Variants in SHPRH observed in about 807,000 individuals in gnomAD.
The protein encoded by SHPRH is SNF2 histone linker PHD RING helicase.
Under a neutral mutation model 202.5 loss-of-function variants are expected in SHPRH, and 106 were observed. That is an observed-to-expected ratio of 0.52 (90% confidence interval 0.45 to 0.62). The LOEUF (loss-of-function observed/expected upper bound fraction) is 0.62, where lower values mean the gene tolerates loss of function less well. Ranked by LOEUF, SHPRH falls within the 20% of genes least tolerant of loss-of-function variation. The pLI is 0.00. For missense variants in SHPRH, 1,710 were observed against 2,020.0 expected (o/e 0.85, Z 2.94); for synonymous variants, 729 against 686.0 (o/e 1.06, Z -0.98).
At position 145,950,573 on chromosome 6, in the gene SHPRH, C is replaced by G. The variant is rs1479980459; in HGVS notation, c.764-91G>C. The stretch of plus-strand genomic sequence containing the variant: ...TTCTAAGAGCATACAATGAACTTGC[C>G]CAACTCTGGGGCCTTGCTCAGTGTG... On this transcript the variant is annotated intron_variant, in intron 3 of 29. Transcript: ENST00000275233. The G allele has an allele frequency of 5.0e-5, 61 of 1,224,304 alleles. No homozygotes were observed. The Middle Eastern group carries it at 8.5e-4, about 17-fold the overall frequency. The allele number at this position is 1,224,304 out of a possible 1,614,324, so 75.8% of individuals were successfully genotyped here.
At chr6:145,858,860 T>C in the SHPRH span, among the ~76,000 whole-genome samples, 2 of 152,030 alleles carry the variant, frequency 1.3e-5, no homozygotes, top group African/African-American at 4.8e-5. Flanking sequence ...TCTGGCATAC[T>C]TTCAACAGGC....
intron 10 of SHPRH, among the ~76,000 whole-genome samples, chr6:145,941,074 A>G (rs540615078): frequency 6.6e-6 from 1 of 152,334 alleles, no homozygotes; most frequent in East Asian, 1.9e-4. Flanking sequence ...AGCCCCCTGA[A>G]TAACTGATCC....
At chr6:145,937,891 C>T (rs2128772572) in intron 11 of SHPRH, among the ~76,000 whole-genome samples, 1 of 152,210 alleles carries the variant, frequency 6.6e-6, no homozygotes, top group South Asian at 2.1e-4. Context: ...ATAGAACAAA[C>T]TATTTTTTTA....
chr6:145,896,011 A>C (rs2128718842), intron 25 of SHPRH, among the ~76,000 whole-genome samples: 1 of 152,142 alleles, frequency 6.6e-6, no homozygotes, highest in Middle Eastern at 3.4e-3. Context: ...AAAAAGAAGG[A>C]AAAATATTTC....
At chr6:145,874,354 G>GTTGA (rs1162045278) in intron 2 of SHPRH, among the ~76,000 whole-genome samples, 3 of 152,060 alleles carry the variant, frequency 2.0e-5, no homozygotes, top group Non-Finnish European at 4.4e-5. Flanking sequence ...ATGTGATTCA[G>GTTGA]TTGATAGGCT....
chr6:145,930,802 A>G (rs979973989), intron 14 of SHPRH, among the ~76,000 whole-genome samples: 1 of 152,174 alleles, frequency 6.6e-6, no homozygotes, highest in Non-Finnish European at 1.5e-5. Flanking sequence ...TAACTGAGAG[A>G]GGGATGTAGA....
chr6:145,864,348 C>T (rs1255260738), exon 3 of SHPRH: 5 of 413,684 alleles, frequency 1.2e-5, no homozygotes, highest in Non-Finnish European at 2.5e-5. Flanking sequence ...TGATAAAAAA[C>T]AAATCAAAAA....
chr6:145,936,814 G>A (rs1171448163), intron 11 of SHPRH, among the ~76,000 whole-genome samples: 1 of 152,070 alleles, frequency 6.6e-6, no homozygotes, highest in Non-Finnish European at 1.5e-5. Flanking sequence ...AGCAACATCT[G>A]AAAGAACCAA....
Position 145,894,479 on chromosome 6 carries a change from T to C in SHPRH, c.4609-243A>G, listed in dbSNP as rs527316324. 1.5e-4 allele frequency among the ~76,000 whole-genome samples: 22 copies of C among 151,004 alleles called. No homozygotes were observed. The South Asian group carries it at 4.6e-3, about 31-fold the overall frequency. On this transcript the variant is annotated intron_variant, in intron 26 of 29. Coordinates refer to ENST00000275233, the MANE Select transcript of SHPRH (RefSeq NM_001042683.3). ...AAATGTAATTAAGATAAACAAACAG[T>C]AGAAAATACATAATGGAGTGCATAC...
chr6:145,902,112 GAAGTA>G (rs1397839760), intron 25 of SHPRH, among the ~76,000 whole-genome samples: 2 of 152,078 alleles, frequency 1.3e-5, no homozygotes, highest in African/African-American at 4.8e-5. Context: ...ATAAAGAAGT[GAAGTA>G]AAGTGAAGTC....
chr6:145,906,913 T>C (rs1783014221), intron 25 of SHPRH: 1 of 152,256 alleles, frequency 6.6e-6, no homozygotes, highest in Non-Finnish European at 1.5e-5. Flanking sequence ...AGCTTCCCTG[T>C]GGTCTTTGTT....
At chr6:145,953,643 T>G (rs959750796) in intron 2 of SHPRH, among the ~76,000 whole-genome samples, 2 of 152,138 alleles carry the variant, frequency 1.3e-5, no homozygotes, top group African/African-American at 4.8e-5. Flanking sequence ...TTAAACAACA[T>G]GAAATTAACA....
chr6:145,887,051 C>A (rs1339353912), intron 29 of SHPRH, among the ~76,000 whole-genome samples: 1 of 152,182 alleles, frequency 6.6e-6, no homozygotes, highest in Non-Finnish European at 1.5e-5. Flanking sequence ...ACTACTGCTA[C>A]TAAGGCTCTC....
chr6:145,886,825 C>A (rs761992942), intron 29 of SHPRH, 38 bp from the exon 30 acceptor site: 5 of 1,591,126 alleles, frequency 3.1e-6, no homozygotes, highest in South Asian at 2.3e-5. Flanking sequence ...CAGAAAGAAA[C>A]CCCAAGCCAT....
chr6:145,925,152 T>A (rs1784751191), intron 16 of SHPRH, among the ~76,000 whole-genome samples: 1 of 151,760 alleles, frequency 6.6e-6, no homozygotes, highest in South Asian at 2.1e-4. Context: ...ACAGTAATAT[T>A]TCAAATGATA....
chr6:145,918,072 A>G (rs1401867090), intron 23 of SHPRH, 59 bp downstream of exon 23: 2 of 1,299,830 alleles, frequency 1.5e-6, no homozygotes, highest in Non-Finnish European at 2.2e-6. Flanking sequence ...GAAAGGAGTC[A>G]CTAAAGTGGT....
At chr6:145,875,828 A>G (rs373316785) in intron 2 of SHPRH, among the ~76,000 whole-genome samples, 4 of 152,196 alleles carry the variant, frequency 2.6e-5, no homozygotes, top group African/African-American at 4.8e-5. Context: ...TGGCTGCCAG[A>G]TATCAGTGAG....
At chr6:145,927,695 TA>T (rs746002559) in intron 14 of SHPRH, among the ~76,000 whole-genome samples, 89 of 150,388 alleles carry the variant, frequency 5.9e-4, no homozygotes, top group African/African-American at 1.7e-3. Flanking sequence ...GATTATTTAT[TA>T]AAAAAAAAAT....
intron 22 of SHPRH, 165 bp downstream of exon 22, chr6:145,919,183 C>G: frequency 1.1e-6 from 1 of 920,352 alleles, no homozygotes; most frequent in Non-Finnish European, 1.6e-6. Flanking sequence ...CATCTTTGAC[C>G]ATTTTTGGTC....
Sources: gnomAD v4.1 joint callset for allele counts (sites outside exome capture counted in the v4.1 genomes callset) on GRCh38, gnomAD v4.1.1 for gene constraint, MANE v1.5 for transcripts, NCBI Gene and HGNC (gene_info 2026-07-23, HGNC 2026-07-21) for gene names.